The following TTLL5 variants were observed in gnomAD, a reference collection of about 807,000 sequenced individuals.
TTLL5 encodes the protein tubulin tyrosine ligase like 5, also known as tubulin polyglutamylase TTLL5.
In TTLL5, 132 loss-of-function variants were observed where a neutral mutation model predicts 168.4. That is an observed-to-expected ratio of 0.78 (90% CI 0.68 to 0.91). The LOEUF (loss-of-function observed/expected upper bound fraction) is 0.91. TTLL5 is among the 40% of genes least tolerant of loss of function. TTLL5 has a pLI of 0.00. For synonymous variants in TTLL5, 546 were observed against 558.6 expected, an observed-to-expected ratio of 0.98 and a Z score of 0.32; for missense variants, 1,545 against 1,581.5, an observed-to-expected ratio of 0.98 and a Z score of 0.39.
chr14:75,670,413 A>C (rs1883648077), intron 3 of TTLL5, among the ~76,000 whole-genome samples: 1 of 147,430 alleles, frequency 6.8e-6, no homozygotes, highest in Admixed American at 6.6e-5. Context: ...TTGGACACTT[A>C]ATCTTCAGTT....
At chr14:75,866,883 G>A (rs2030559767) in intron 29 of TTLL5, among the ~76,000 whole-genome samples, 1 of 152,180 alleles carries the variant, frequency 6.6e-6, no homozygotes, top group Non-Finnish European at 1.5e-5. Flanking sequence ...GTCACCCAGA[G>A]CCAGTGGCGG....
At chr14:75,717,998 C>A in intron 10 of TTLL5, 36 bp downstream of exon 10, 1 of 1,591,840 alleles carries the variant, frequency 6.3e-7, no homozygotes, top group South Asian at 1.1e-5. Flanking sequence ...TCAGAGGTGT[C>A]AGTCTCAGAT....
chr14:75,775,680 G>C, intron 22 of TTLL5, 50 bp downstream of exon 22: 1 of 1,601,832 alleles, frequency 6.2e-7, no homozygotes, highest in African/African-American at 1.3e-5. Flanking sequence ...TACACTGTCA[G>C]AAACAGACTA....
intron 31 of TTLL5, among the ~76,000 whole-genome samples, chr14:75,936,213 A>T (rs1197614640): frequency 6.6e-6 from 1 of 152,160 alleles, no homozygotes; most frequent in Non-Finnish European, 1.5e-5. Flanking sequence ...ATGTTTTTAC[A>T]GTGGAGACTT....
intron 27 of TTLL5, among the ~76,000 whole-genome samples, chr14:75,810,076 A>G (rs1595078009): frequency 6.6e-6 from 1 of 152,178 alleles, no homozygotes; most frequent in Non-Finnish European, 1.5e-5. Context: ...TGACTGTGCT[A>G]CTTGACTGTT....
At position 75,874,187 on chromosome 14, in the gene TTLL5, G is replaced by T. The variant is rs10148068; in HGVS notation, c.3523-8498G>T. On this transcript the variant is annotated intron_variant, in intron 29 of 31. Coordinates refer to ENST00000298832, the MANE Select transcript of TTLL5 (RefSeq NM_015072.5). ...GCTCACTGCAACCTCCACCTCCCAG[G>T]TTCACACCGTTCTCCTGCCTCAGCC... Among the ~76,000 whole-genome samples, 619 of 152,178 alleles carry T rather than the reference G, an allele frequency of 4.1e-3. 3 individuals are homozygous for T. Among genetic ancestry groups the T allele is most frequent in the African/African-American group, 0.014 (602 of 41,526 alleles).
chr14:75,756,973 T>TGTG (rs35695498), intron 18 of TTLL5, among the ~76,000 whole-genome samples: 3 of 150,926 alleles, frequency 2.0e-5, no homozygotes, highest in Non-Finnish European at 4.4e-5. Flanking sequence ...TTGTTGTTGT[T>TGTG]GTTGTTGTTG....
chr14:75,681,687 AACTG>A, intron 4 of TTLL5, 60 bp downstream of exon 4: 1 of 1,473,892 alleles, frequency 6.8e-7, no homozygotes, highest in Non-Finnish European at 9.5e-7. Flanking sequence ...CCAGCCACCT[AACTG>A]ACTTTACCAG....
intron 3 of TTLL5, among the ~76,000 whole-genome samples, chr14:75,674,065 A>G (rs1333543957): frequency 6.6e-6 from 1 of 152,228 alleles, no homozygotes; most frequent in Non-Finnish European, 1.5e-5. Flanking sequence ...TAGAATACCT[A>G]ACATTTATTG....
chr14:75,800,106 T>C (rs1472723994), intron 27 of TTLL5, among the ~76,000 whole-genome samples: 1 of 152,202 alleles, frequency 6.6e-6, no homozygotes, highest in African/African-American at 2.4e-5. Context: ...CACCAGTTAT[T>C]CTTAGGTTTG....
Position 75,661,372 on chromosome 14 carries a change from T to G in TTLL5, c.-111T>G, listed in dbSNP as rs1890706207. 1 of 152,192 alleles carries G rather than the reference T, an allele frequency of 6.6e-6. No individual in the cohort carries two copies. Among genetic ancestry groups the G allele is most frequent in the Non-Finnish European group, 1.5e-5 (1 of 68,090 alleles). The allele number at this position is 152,192 out of a possible 1,614,324, so 9.4% of individuals were successfully genotyped here. A position where few individuals can be genotyped will look rare whatever the true frequency, so the allele number is the denominator to read the frequency against. Reference sequence around the variant, plus strand: ...GTCCACGCCTGCTCGCCCCGAACCATGGGAAGATGAGACAGGTAAACGCCT... The same window carrying G: ...GTCCACGCCTGCTCGCCCCGAACCAGGGGAAGATGAGACAGGTAAACGCCT... On this transcript the variant is annotated 5_prime_UTR_variant, in exon 1 of 32. It removes an upstream start codon present in the reference 5' UTR. Transcript: ENST00000298832.
At chr14:75,746,134 T>G (rs1461033729) in intron 17 of TTLL5, among the ~76,000 whole-genome samples, 1 of 152,228 alleles carries the variant, frequency 6.6e-6, no homozygotes, top group African/African-American at 2.4e-5. Flanking sequence ...ATTACAGTTT[T>G]TCTACAGTTC....
chr14:75,798,053 A>T (rs1051275161), intron 27 of TTLL5, among the ~76,000 whole-genome samples: 2 of 152,076 alleles, frequency 1.3e-5, no homozygotes, highest in Admixed American at 6.6e-5. Flanking sequence ...GATGGAATTC[A>T]GCTGTGAATC....
intron 28 of TTLL5, among the ~76,000 whole-genome samples, chr14:75,830,687 TTGTTTAC>T (rs1895511160): frequency 6.6e-6 from 1 of 152,230 alleles, no homozygotes; most frequent in South Asian, 2.1e-4. Context: ...CTTATTCTAT[TTGTTTAC>T]TGTTTACTTT....
At chr14:75,673,118 A>AC (rs1184671911) in intron 3 of TTLL5, among the ~76,000 whole-genome samples, 1 of 151,772 alleles carries the variant, frequency 6.6e-6, no homozygotes, top group Non-Finnish European at 1.5e-5. Flanking sequence ...AAAAAAAAAA[A>AC]AGCTTTTTGT....
chr14:75,937,504 A>G (rs2034470840), intron 31 of TTLL5, among the ~76,000 whole-genome samples: 1 of 151,972 alleles, frequency 6.6e-6, no homozygotes, highest in Admixed American at 6.6e-5. Context: ...CTCTGTACCC[A>G]TTAAACAATA....
chr14:75,774,460 T>G (rs1396642310), intron 21 of TTLL5, among the ~76,000 whole-genome samples: 1 of 152,200 alleles, frequency 6.6e-6, no homozygotes, highest in Non-Finnish European at 1.5e-5. Flanking sequence ...TCACGACACT[T>G]TTAAAGTCAT....
chr14:75,783,992 C>T (rs1296211153), intron 26 of TTLL5, among the ~76,000 whole-genome samples: 1 of 152,152 alleles, frequency 6.6e-6, no homozygotes, highest in Non-Finnish European at 1.5e-5. Context: ...GTTTGTCCTC[C>T]ATTTTTTAAT....
intron 29 of TTLL5, among the ~76,000 whole-genome samples, chr14:75,878,807 G>A (rs1319270366): frequency 2.6e-5 from 4 of 152,122 alleles, no homozygotes; most frequent in Admixed American, 2.6e-4. Context: ...CATTTAGGAA[G>A]GTGTGAAGTT....
Sources: allele counts gnomAD v4.1 joint callset (sites outside exome capture counted in the v4.1 genomes callset), GRCh38; gene constraint gnomAD v4.1.1; transcripts MANE v1.5; gene names NCBI Gene and HGNC (gene_info 2026-07-23, HGNC 2026-07-21).